Variants in GIGYF2 observed in about 807,000 individuals in gnomAD.
GIGYF2 encodes GRB10 interacting GYF protein 2.
GIGYF2 carries 25 observed loss-of-function variants against 208.1 expected under a neutral mutation model. The observed-to-expected ratio is 0.12, with a 90% confidence interval of 0.09 to 0.17. The LOEUF (loss-of-function observed/expected upper bound fraction) is 0.17. GIGYF2 is among the 10% of genes least tolerant of loss of function. GIGYF2 has a pLI of 1.00. For missense variants in GIGYF2, 1,302 were observed against 1,579.4 expected (o/e 0.82, Z 2.98); for synonymous variants, 534 against 543.8 (o/e 0.98, Z 0.25).
Position 232,843,964 on chromosome 2 carries a change from A to G in GIGYF2, c.2890-82A>G, listed in dbSNP as rs111366266. On this transcript the variant is annotated intron_variant, in intron 23 of 28. Transcript: ENST00000373563. ...AATTTTATGTAGCTACTGTGTATTT[A>G]CATTCCATTTAGTATACTGGATATT... 1,529 of 1,245,196 alleles carry G rather than the reference A, an allele frequency of 1.2e-3. 10 individuals are homozygous for G. The African/African-American group carries it at 0.02, about 16-fold the overall frequency. The allele number at this position is 1,245,196 out of a possible 1,614,324, so 77.1% of individuals were successfully genotyped here.
At chr2:232,771,812 G>T (rs1699263876) in intron 8 of GIGYF2, among the ~76,000 whole-genome samples, 1 of 152,158 alleles carries the variant, frequency 6.6e-6, no homozygotes. Context: ...GTTTAAATAT[G>T]TAAGTGTTCT....
intron 21 of GIGYF2, among the ~76,000 whole-genome samples, chr2:232,830,315 C>T (rs1559156780): frequency 6.6e-6 from 1 of 152,068 alleles, no homozygotes; most frequent in Non-Finnish European, 1.5e-5. Flanking sequence ...GTTTTTAGTT[C>T]ATTGATGTTT....
chr2:232,775,241 A>G (rs1239662243), intron 8 of GIGYF2, among the ~76,000 whole-genome samples: 1 of 152,130 alleles, frequency 6.6e-6, no homozygotes, highest in Non-Finnish European at 1.5e-5. Flanking sequence ...ATAAGGGGAT[A>G]TGGCCTTCAG....
intron 6 of GIGYF2, among the ~76,000 whole-genome samples, chr2:232,758,432 G>A (rs1163707614): frequency 6.6e-6 from 1 of 152,182 alleles, no homozygotes; most frequent in Admixed American, 6.5e-5. Context: ...TTATTAAAAG[G>A]AAGTATGTTT....
rs143831798 is a variant in GIGYF2 at position 232,785,497 on chromosome 2, G to A, written c.533-1653G>A. ...GGTCTGTGTCACTACATGGCAACTA[G>A]TGTCCTTCAGAGAAAGTGTCCAAGA... On this transcript the variant is annotated intron_variant, in intron 8 of 28. Coordinates refer to ENST00000373563, the MANE Select transcript of GIGYF2 (RefSeq NM_001103146.3). Among the ~76,000 whole-genome samples, 23 of 152,286 alleles carry A rather than the reference G, an allele frequency of 1.5e-4. No individual in the cohort carries two copies. In the East Asian group the frequency reaches 4.0e-3, roughly 27 times the overall value.
chr2:232,851,671 T>C (rs1205292088), intron 28 of GIGYF2, among the ~76,000 whole-genome samples: 1 of 152,226 alleles, frequency 6.6e-6, no homozygotes, highest in Non-Finnish European at 1.5e-5. Context: ...CTTCTTGCCT[T>C]GGCCTCCCAA....
In GIGYF2 at chr2:232,724,067, G is replaced by C. The variant is rs141262583; in HGVS notation, c.-43-11088G>C. On this transcript the variant is annotated intron_variant, in intron 2 of 28. Transcript: ENST00000373563. ...CTAAGATTCTTATTTTTGAGATGGA[G>C]TCTTGCTCTGTCACCCAGGCTGGAG... Among the ~76,000 whole-genome samples, 17 of 150,440 alleles carry C rather than the reference G, an allele frequency of 1.1e-4. No homozygotes were observed. In the East Asian group the frequency reaches 3.2e-3, roughly 28 times the overall value.
chr2:232,774,130 A>G (rs562415203), intron 8 of GIGYF2, among the ~76,000 whole-genome samples: 5 of 152,088 alleles, frequency 3.3e-5, no homozygotes, highest in African/African-American at 1.2e-4. Context: ...AGAAAAAAAA[A>G]AAAGAAAGAA....
At chr2:232,734,720 A>G (rs1697659669) in intron 2 of GIGYF2, among the ~76,000 whole-genome samples, 1 of 152,172 alleles carries the variant, frequency 6.6e-6, no homozygotes, top group Non-Finnish European at 1.5e-5. Flanking sequence ...ATAGGTAAGG[A>G]GGGTCCTTAT....
chr2:232,736,429 A>T (rs1453174774), intron 3 of GIGYF2: 3 of 158,680 alleles, frequency 1.9e-5, no homozygotes, highest in South Asian at 2.0e-4. Flanking sequence ...GTATATATAC[A>T]CTTATTTTTT....
intron 6 of GIGYF2, among the ~76,000 whole-genome samples, chr2:232,758,127 T>G (rs1374388071): frequency 1.3e-5 from 2 of 152,222 alleles, no homozygotes; most frequent in Non-Finnish European, 2.9e-5. Flanking sequence ...AATTATAATC[T>G]GTGGTTTTGT....
At chr2:232,773,925 A>C (rs1380315052) in intron 8 of GIGYF2, among the ~76,000 whole-genome samples, 1 of 150,626 alleles carries the variant, frequency 6.6e-6, no homozygotes, top group African/African-American at 2.4e-5. Context: ...AAAAAAAAAA[A>C]AAAAAAAAGG....
chr2:232,789,965 G>C lies in GIGYF2; in HGVS notation c.713-733G>C, dbSNP rs145131256. Among the ~76,000 whole-genome samples the C allele has an allele frequency of 2.2e-4, 34 of 152,172 alleles. No homozygotes were observed. The East Asian group carries it at 6.6e-3, about 29-fold the overall frequency. The stretch of plus-strand genomic sequence containing the variant: ...ATAGGGAGAATTAAGAGATGAGAAA[G>C]AAGGGAGAGGAGTAAGTATGTTATT... On this transcript the variant is annotated intron_variant, in intron 9 of 28. Coordinates refer to ENST00000373563, the MANE Select transcript of GIGYF2 (RefSeq NM_001103146.3).
At chr2:232,736,760 T>C (rs1480464684) in intron 3 of GIGYF2, 1 of 152,244 alleles carries the variant, frequency 6.6e-6, no homozygotes, top group Non-Finnish European at 1.5e-5. Context: ...CGCCTTTATC[T>C]AGAATTTGTA....
At chr2:232,807,412 C>T (rs1700592564) in intron 15 of GIGYF2, among the ~76,000 whole-genome samples, 1 of 152,088 alleles carries the variant, frequency 6.6e-6, no homozygotes, top group Non-Finnish European at 1.5e-5. Context: ...GGTATGGTGG[C>T]AATCAGTGGC....
intron 28 of GIGYF2, among the ~76,000 whole-genome samples, chr2:232,852,406 G>A (rs1409162921): frequency 5.3e-5 from 8 of 152,114 alleles, no homozygotes; most frequent in East Asian, 3.9e-4. Context: ...TTAGCTGGGC[G>A]TGGTGGTGGG....
intron 3 of GIGYF2, among the ~76,000 whole-genome samples, chr2:232,746,434 A>C (rs978055054): frequency 2.3e-4 from 35 of 151,952 alleles, no homozygotes; most frequent in Admixed American, 2.1e-3. Flanking sequence ...CTTCTATTGA[A>C]TTTTTCCTTA....
At chr2:232,729,955 C>T (rs1464239365) in intron 2 of GIGYF2, 6 of 723,692 alleles carry the variant, frequency 8.3e-6, no homozygotes, top group South Asian at 1.5e-5. Context: ...TCCATATCCA[C>T]AGGACCATAC....
intron 2 of GIGYF2, among the ~76,000 whole-genome samples, chr2:232,733,888 A>T (rs988960157): frequency 9.2e-5 from 14 of 152,110 alleles, no homozygotes; most frequent in African/African-American, 2.9e-4. Flanking sequence ...CAATTAAAAA[A>T]TTTTTTTCCA....
Sources: allele counts gnomAD v4.1 joint callset (sites outside exome capture counted in the v4.1 genomes callset), GRCh38; gene constraint gnomAD v4.1.1; transcripts MANE v1.5; gene names NCBI Gene and HGNC (gene_info 2026-07-23, HGNC 2026-07-21).